The following SLC39A10 variants were observed in gnomAD, a reference collection of about 807,000 sequenced individuals.
SLC39A10 encodes the protein solute carrier family 39 member 10.
Under a neutral mutation model 65.1 loss-of-function variants are expected in SLC39A10, and 13 were observed. That is an observed-to-expected ratio of 0.20 (90% confidence interval 0.13 to 0.32). The LOEUF is 0.32. Among genes scored for constraint, SLC39A10 ranks in the 10% least tolerant of loss-of-function variants. The probability of loss-of-function intolerance (pLI) is 1.00; values close to 1 mark genes in which losing one functional copy is unlikely to be tolerated. For synonymous variants in SLC39A10, 321 were observed against 342.2 expected, an observed-to-expected ratio of 0.94 and a Z score of 0.68; for missense variants, 831 against 1,018.4, an observed-to-expected ratio of 0.82 and a Z score of 2.50.
At chr2:195,719,891 A>G (rs1691964299) in intron 8 of SLC39A10, among the ~76,000 whole-genome samples, 1 of 151,616 alleles carries the variant, frequency 6.6e-6, no homozygotes, top group Non-Finnish European at 1.5e-5. Context: ...CCCGGGTTCA[A>G]GTAATTCTCC....
chr2:195,708,426 A>C (rs745709506), intron 4 of SLC39A10, among the ~76,000 whole-genome samples: 1 of 152,208 alleles, frequency 6.6e-6, no homozygotes, highest in Non-Finnish European at 1.5e-5. Flanking sequence ...TCTTATTCTT[A>C]TAGCATTTGA....
intron 1 of SLC39A10, among the ~76,000 whole-genome samples, chr2:195,675,796 G>A (rs1690062256): frequency 6.6e-6 from 1 of 152,136 alleles, no homozygotes; most frequent in Non-Finnish European, 1.5e-5. Context: ...ATGGAACTTG[G>A]GGGCTGTAGA....
chr2:195,664,844 G>A (rs1397093958), intron 1 of SLC39A10, among the ~76,000 whole-genome samples: 1 of 152,140 alleles, frequency 6.6e-6, no homozygotes, highest in African/African-American at 2.4e-5. Flanking sequence ...AGTAATCAAA[G>A]ATAATAGCAC....
intron 1 of SLC39A10, chr2:195,658,580 A>C (rs552473662): frequency 6.6e-6 from 1 of 152,378 alleles, no homozygotes; most frequent in Admixed American, 6.5e-5. Flanking sequence ...CATAATTAAG[A>C]AAAAGCAAGT....
intron 8 of SLC39A10, among the ~76,000 whole-genome samples, chr2:195,722,766 A>G (rs1340951785): frequency 6.6e-6 from 1 of 152,204 alleles, no homozygotes; most frequent in African/African-American, 2.4e-5. Flanking sequence ...TCTAAAACCT[A>G]TTTTGCCCTG....
At chr2:195,620,549 A>G (rs1251751977) in intron 2 of SLC39A10, among the ~76,000 whole-genome samples, 1 of 151,996 alleles carries the variant, frequency 6.6e-6, no homozygotes, top group Non-Finnish European at 1.5e-5. Context: ...CTGCTTGTGA[A>G]TCTTTAAAGT....
At chr2:195,723,973 G>A (rs2105838807) in intron 8 of SLC39A10, among the ~76,000 whole-genome samples, 1 of 152,304 alleles carries the variant, frequency 6.6e-6, no homozygotes, top group South Asian at 2.1e-4. Context: ...AGAGGTTATA[G>A]TGTTGTACAT....
In SLC39A10 at chr2:195,736,017, C is replaced by T. The variant is rs1692591151; in HGVS notation, c.*976C>T. On this transcript the variant is annotated 3_prime_UTR_variant, in exon 10 of 10. Coordinates refer to ENST00000359634, the MANE Select transcript of SLC39A10 (RefSeq NM_020342.3). ...ACCAGTTTGGCACTGGAACCAAGAG[C>T]ACATGTCGTGGCTGGCTACAAGGTT... is the stretch of plus-strand genomic sequence containing the variant. The T allele has an allele frequency of 6.6e-6, 1 of 152,428 alleles. No homozygotes were observed. Among genetic ancestry groups the T allele is most frequent in the African/African-American group, 2.4e-5 (1 of 41,412 alleles). 9.4% of individuals were successfully genotyped at this position (152,428 alleles called of 1,614,324 possible).
chr2:195,624,409 A>AAC (rs1553491605), intron 2 of SLC39A10, among the ~76,000 whole-genome samples: 13 of 150,498 alleles, frequency 8.6e-5, no homozygotes, highest in Admixed American at 2.6e-4. Flanking sequence ...AAAAAAAAAA[A>AAC]AAGGAAGAAG....
chr2:195,628,598 C>G (rs1378681932), intron 2 of SLC39A10, among the ~76,000 whole-genome samples: 1 of 152,060 alleles, frequency 6.6e-6, no homozygotes, highest in Non-Finnish European at 1.5e-5. Flanking sequence ...AACAAATAAT[C>G]GCAAGTAATT....
At chr2:195,652,067 A>G (rs115417031), upstream of SLC39A10, among the ~76,000 whole-genome samples, 1,828 of 152,298 alleles carry the variant, frequency 0.012, 38 homozygotes, top group African/African-American at 0.042. Flanking sequence ...TACGATGTAC[A>G]TTGGTTTGGT....
chr2:195,655,046 A>G (rs750811284), upstream of SLC39A10, among the ~76,000 whole-genome samples: 1 of 152,216 alleles, frequency 6.6e-6, no homozygotes, highest in Non-Finnish European at 1.5e-5. Flanking sequence ...ATAGTTTTCT[A>G]TAGGGATGAC....
Position 195,680,967 on chromosome 2 carries a change from A to G in SLC39A10, c.925A>G (p.Arg309Gly). Residue 309 changes from arginine to glycine, a missense_variant, in exon 2 of 10, where the codon AGA becomes GGA. Physicochemically the swap from Arg to Gly is moderately radical, Grantham distance 125. Transcript: ENST00000359634. ...PDNEGELRHT[R>G]KREAPHVKNN... ...TAATGAAGGTGAACTTCGACATACT[A>G]GAAAGAGAGAAGCACCACATGTTAA... 6.2e-7 allele frequency: 1 copy of G among 1,614,138 alleles called. No individual in the cohort carries two copies. Among genetic ancestry groups the G allele is most frequent in the Non-Finnish European group, 8.5e-7 (1 of 1,180,016 alleles).
intron 2 of SLC39A10, among the ~76,000 whole-genome samples, chr2:195,633,483 C>T (rs1036488920): frequency 6.6e-6 from 1 of 152,212 alleles, no homozygotes; most frequent in African/African-American, 2.4e-5. Flanking sequence ...TCAGTGGGCC[C>T]TCTGCCTTTT....
intron 1 of SLC39A10, among the ~76,000 whole-genome samples, chr2:195,659,600 A>C (rs1056013985): frequency 3.3e-5 from 5 of 152,158 alleles, no homozygotes; most frequent in African/African-American, 1.2e-4. Flanking sequence ...TACTGGAAAA[A>C]ATTTAGGGCT....
At chr2:195,706,266 A>T (rs1198873755) in intron 3 of SLC39A10, among the ~76,000 whole-genome samples, 1 of 151,770 alleles carries the variant, frequency 6.6e-6, no homozygotes, top group East Asian at 1.9e-4. Flanking sequence ...TCTTTAAATA[A>T]ACAGCTTTAT....
chr2:195,625,185 C>G (rs1266915526), intron 2 of SLC39A10, among the ~76,000 whole-genome samples: 1 of 121,862 alleles, frequency 8.2e-6, no homozygotes, highest in Non-Finnish European at 1.7e-5. Flanking sequence ...CCATTGCACT[C>G]CAGCCTGTGC....
rs1293614827 is a variant in SLC39A10 at position 195,647,595 on chromosome 2, T to C, written c.-11-32437T>C. Among the ~76,000 whole-genome samples the C allele has an allele frequency of 2.0e-5, 3 of 151,970 alleles. No homozygotes were observed. In the East Asian group the frequency reaches 5.8e-4, roughly 29 times the overall value. ...TGTGACTTCCTTTGGGAAGCCTGAGTGTATCCCCAAATTTTGGCCTTTGCT... is the reference window on the plus strand; with the variant it reads ...TGTGACTTCCTTTGGGAAGCCTGAGCGTATCCCCAAATTTTGGCCTTTGCT... On this transcript the variant is annotated intron_variant, in intron 2 of 2. Transcript: ENST00000458054.
At chr2:195,633,402 C>A (rs918238776) in intron 2 of SLC39A10, among the ~76,000 whole-genome samples, 1 of 152,226 alleles carries the variant, frequency 6.6e-6, no homozygotes, top group Non-Finnish European at 1.5e-5. Context: ...AGAGGGAATA[C>A]CGATGACCCC....
Sources: allele counts gnomAD v4.1 joint callset (sites outside exome capture counted in the v4.1 genomes callset), GRCh38; gene constraint gnomAD v4.1.1; transcripts MANE v1.5; gene names NCBI Gene and HGNC (gene_info 2026-07-23, HGNC 2026-07-21).